The following IPO9 variants were observed in gnomAD, a reference collection of about 807,000 sequenced individuals.
IPO9 encodes importin-9.
IPO9 carries 28 observed loss-of-function variants against 128.6 expected under a neutral mutation model. The observed-to-expected ratio is 0.22, with a 90% CI of 0.16 to 0.30. The LOEUF is 0.30. Among genes scored for constraint, IPO9 ranks in the 10% least tolerant of loss-of-function variants. The probability of loss-of-function intolerance (pLI) is 1.00; values close to 1 mark genes in which losing one functional copy is unlikely to be tolerated. For missense variants in IPO9, 935 were observed against 1,293.9 expected, an observed-to-expected ratio of 0.72 and a Z score of 4.26; for synonymous variants, 455 against 475.8, an observed-to-expected ratio of 0.96 and a Z score of 0.57.
Position 201,880,417 on chromosome 1 carries a change from G to T in IPO9, c.*4363G>T, listed in dbSNP as rs1292195484. ...TGCCAGAGGAAGGCTAAGATGTAGAGGACAAATCGTGTCAAGGAAAAGAAG... is the reference window on the plus strand; with the variant it reads ...TGCCAGAGGAAGGCTAAGATGTAGATGACAAATCGTGTCAAGGAAAAGAAG... On this transcript the variant is annotated 3_prime_UTR_variant, in exon 24 of 24. Transcript: ENST00000361565. The T allele has an allele frequency of 6.6e-6, 1 of 152,156 alleles. No individual in the cohort carries two copies. The allele number at this position is 152,156 out of a possible 1,614,324, so 9.4% of individuals were successfully genotyped here. A position where few individuals can be genotyped will look rare whatever the true frequency, so the allele number is the denominator to read the frequency against.
chr1:201,874,414 G>A, intron 21 of IPO9, 42 bp downstream of exon 21: 1 of 1,567,828 alleles, frequency 6.4e-7, no homozygotes, highest in Non-Finnish European at 8.6e-7. Context: ...TAGCCTGGCA[G>A]ATCAAGTTAC....
intron 11 of IPO9, among the ~76,000 whole-genome samples, chr1:201,857,502 A>G (rs939933353): frequency 2.0e-5 from 3 of 152,188 alleles, no homozygotes; most frequent in African/African-American, 7.2e-5. Context: ...AATCAAGAAC[A>G]TTTCAGTTTA....
At chr1:201,861,293 C>T (rs963267074) in intron 13 of IPO9, among the ~76,000 whole-genome samples, 5 of 152,208 alleles carry the variant, frequency 3.3e-5, no homozygotes, top group African/African-American at 1.2e-4. Flanking sequence ...TTCTCACTTA[C>T]AGTGGTTGGA....
chr1:201,841,672 A>G (rs182304302), intron 1 of IPO9, among the ~76,000 whole-genome samples: 69 of 152,326 alleles, frequency 4.5e-4, no homozygotes, highest in African/African-American at 1.6e-3. Context: ...AAAATACAAG[A>G]TAAGTATAGA....
At position 201,877,456 on chromosome 1, in the gene IPO9, TCA is replaced by T. The variant is rs1680785970; in HGVS notation, c.*1406_*1407del. ...AAGCAGAGGTTGCAGTGAACCGATA[TCA>T]CACCGTTGCATTCCAAGGCAAGACT... On this transcript the variant is annotated 3_prime_UTR_variant, in exon 24 of 24. Transcript: ENST00000361565. The T allele has an allele frequency of 6.6e-6, 1 of 151,690 alleles. No individual in the cohort carries two copies. Among genetic ancestry groups the T allele is most frequent in the Non-Finnish European group, 1.5e-5 (1 of 67,996 alleles). 9.4% of individuals were successfully genotyped at this position (151,690 alleles called of 1,614,324 possible).
rs933512964 is a variant in IPO9 at position 201,876,668 on chromosome 1, C to T, written c.*614C>T. The T allele has an allele frequency of 1.9e-5, 3 of 157,104 alleles. No homozygotes were observed. The highest frequency in any genetic ancestry group is 4.2e-5 in the Non-Finnish European group (3 of 71,026). The allele number at this position is 157,104 out of a possible 1,614,324, so 9.7% of individuals were successfully genotyped here. On this transcript the variant is annotated 3_prime_UTR_variant, in exon 24 of 24. Coordinates refer to ENST00000361565, the MANE Select transcript of IPO9 (RefSeq NM_018085.5). The stretch of plus-strand genomic sequence containing the variant: ...GTCTTGTTTTTGCTTCATTGCATGA[C>T]ATAACCCTTCCCCTCAAGCTGTTCC...
chr1:201,830,190 G>A (rs1482573305), intron 1 of IPO9, among the ~76,000 whole-genome samples: 1 of 152,198 alleles, frequency 6.6e-6, no homozygotes, highest in Non-Finnish European at 1.5e-5. Context: ...GAAACAGGAG[G>A]AGAAATCTTC....
chr1:201,865,658 A>G (rs1680539188), intron 14 of IPO9, among the ~76,000 whole-genome samples: 1 of 152,222 alleles, frequency 6.6e-6, no homozygotes, highest in African/African-American at 2.4e-5. Context: ...TCTCTGAAAC[A>G]AGATACTGAT....
At chr1:201,874,632 G>C (rs1409733186) in intron 21 of IPO9, among the ~76,000 whole-genome samples, 200 bp from the exon 22 acceptor site, 1 of 152,140 alleles carries the variant, frequency 6.6e-6, no homozygotes, top group African/African-American at 2.4e-5. Flanking sequence ...TTCTTCTTAA[G>C]AGCCTGTCAA....
chr1:201,870,723 C>T lies in IPO9; in HGVS notation c.2274C>T (p.Phe758=). ...SQLLDPRTSE[F]TAAFVGRLVS... ...TCCTGGACCCCCGCACCTCAGAGTTCACTGCGGCCTTTGTGGGCCGCCTTG... is the reference window on the plus strand; with the variant it reads ...TCCTGGACCCCCGCACCTCAGAGTTTACTGCGGCCTTTGTGGGCCGCCTTG... Residue 758 remains phenylalanine (F), a synonymous_variant, in exon 18 of 24, where the codon TTC becomes TTT. Coordinates refer to ENST00000361565, the MANE Select transcript of IPO9 (RefSeq NM_018085.5). This position sits in a 1 kb window ranked among gnomAD's most constrained non-coding sequence, Gnocchi z 4.9. 6.2e-7 allele frequency: 1 copy of T among 1,614,208 alleles called. No homozygotes were observed. Among genetic ancestry groups the T allele is most frequent in the South Asian group, 1.1e-5 (1 of 91,086 alleles).
intron 1 of IPO9, among the ~76,000 whole-genome samples, chr1:201,836,260 GT>G (rs570172929): frequency 3.8e-4 from 58 of 151,776 alleles, no homozygotes; most frequent in Admixed American, 3.4e-3. Context: ...TGAAAAATCT[GT>G]AAGTAGGGTT....
intron 11 of IPO9, among the ~76,000 whole-genome samples, chr1:201,857,483 G>C (rs1196184344): frequency 6.6e-6 from 1 of 152,166 alleles, no homozygotes; most frequent in Admixed American, 6.5e-5. Flanking sequence ...CATGGAGTAA[G>C]GGTAGTTGAA....
chr1:201,856,080 A>G (rs995516268), intron 10 of IPO9, 146 bp downstream of exon 10: 11 of 660,466 alleles, frequency 1.7e-5, no homozygotes, highest in South Asian at 1.0e-4. Context: ...AAGGTTTGAC[A>G]TCATTTTATT....
Position 201,870,692 on chromosome 1 carries a change from G to A in IPO9, c.2243G>A (p.Ser748Asn). 6.2e-7 allele frequency: 1 copy of A among 1,614,224 alleles called. No individual in the cohort carries two copies. The highest frequency in any genetic ancestry group is 8.5e-7 in the Non-Finnish European group (1 of 1,180,038). The change falls in exon 18 of 24, where the codon AGC becomes AAC. Residue 748 changes from serine to asparagine, a missense_variant. Around this residue, in one of 3 missense-constraint regions of IPO9, gnomAD observed 741 missense variants for 1,019.1 expected, o/e 0.73. Coordinates refer to ENST00000361565, the MANE Select transcript of IPO9 (RefSeq NM_018085.5). This position sits in a 1 kb window ranked among gnomAD's most constrained non-coding sequence, Gnocchi z 4.9. ...NGLWYVMQVV[S>N]QLLDPRTSEF... Reference sequence around the variant, plus strand: ...CTGTGGTATGTGATGCAAGTGGTGAGCCAGCTCCTGGACCCCCGCACCTCA... The same window carrying A: ...CTGTGGTATGTGATGCAAGTGGTGAACCAGCTCCTGGACCCCCGCACCTCA...
At chr1:201,875,870 A>T in intron 23 of IPO9, 74 bp from the exon 24 acceptor site, 1 of 885,730 alleles carries the variant, frequency 1.1e-6, no homozygotes, top group Non-Finnish European at 1.9e-6. Flanking sequence ...GTGCCATTTG[A>T]TTGTGGTTCT....
At position 201,875,954 on chromosome 1, in the gene IPO9, C is replaced by T. The variant is rs764957446; in HGVS notation, c.3026C>T (p.Thr1009Ile). The change falls in exon 24 of 24, where the codon ACA (threonine) becomes ATA (isoleucine). Residue 1009 changes from threonine to isoleucine, a missense_variant. Thr to Ile is a moderately conservative substitution (Grantham distance 89). Transcript: ENST00000361565. The part of the protein sequence containing the change: ...LYQIDLQAYL[T>I]DFLCQFAQQP... ...TGCTCTTTCCTCCAGGCATATCTCA[C>T]AGATTTCCTCTGCCAGTTTGCTCAG... The T allele has an allele frequency of 2.5e-6, 4 of 1,608,226 alleles. No individual in the cohort carries two copies. The highest frequency in any genetic ancestry group is 3.4e-6 in the Non-Finnish European group (4 of 1,174,574).
At chr1:201,862,712 A>G (rs1680471931) in intron 13 of IPO9, among the ~76,000 whole-genome samples, 1 of 151,898 alleles carries the variant, frequency 6.6e-6, no homozygotes, top group Admixed American at 6.6e-5. Flanking sequence ...AGGCTGAGGC[A>G]GGAGAATCAC....
At chr1:201,865,936 C>A (rs796520590) in intron 14 of IPO9, among the ~76,000 whole-genome samples, 11 of 152,248 alleles carry the variant, frequency 7.2e-5, no homozygotes, top group African/African-American at 2.6e-4. Context: ...TACTTTGCCC[C>A]TCTAATGAAC....
Position 201,876,223 on chromosome 1 carries a change from C to T in IPO9, c.*169C>T, listed in dbSNP as rs779770763. 2 of 723,310 alleles carry T rather than the reference C, an allele frequency of 2.8e-6. No individual in the cohort carries two copies. The highest frequency in any genetic ancestry group is 5.2e-6 in the Non-Finnish European group (2 of 386,918). The allele number at this position is 723,310 out of a possible 1,614,324, so 44.8% of individuals were successfully genotyped here. A position where few individuals can be genotyped will look rare whatever the true frequency, so the allele number is the denominator to read the frequency against. On this transcript the variant is annotated 3_prime_UTR_variant, in exon 24 of 24. Transcript: ENST00000361565. ...CAATTCAGACCAGGCTCACCGGTGC[C>T]GTCACTTAGGAATGCTGGAACAAAG...
Sources: allele counts gnomAD v4.1 joint callset (sites outside exome capture counted in the v4.1 genomes callset), GRCh38; gene constraint gnomAD v4.1.1; regional missense constraint gnomAD v4.1.1; non-coding constraint Gnocchi (gnomAD v3.1); transcripts MANE v1.5; gene names NCBI Gene and HGNC (gene_info 2026-07-23, HGNC 2026-07-21).